The following EIF3G variants were observed in gnomAD, a reference collection of about 807,000 sequenced individuals.
EIF3G encodes eukaryotic translation initiation factor 3 RNA-binding subunit.
EIF3G carries 10 observed loss-of-function variants against 41.7 expected under a neutral mutation model. The ratio of observed to expected loss-of-function variants is 0.24; its 90% CI spans 0.15 to 0.41. The LOEUF (loss-of-function observed/expected upper bound fraction) is 0.41, where lower values mean the gene tolerates loss of function less well. Among genes scored for constraint, EIF3G ranks in the 10% least tolerant of loss-of-function variants. The probability of loss-of-function intolerance (pLI) is 1.00; values close to 1 mark genes in which losing one functional copy is unlikely to be tolerated. For synonymous variants in EIF3G, 204 were observed against 172.5 expected, an observed-to-expected ratio of 1.18 and a Z score of -1.43; for missense variants, 297 against 444.0, an observed-to-expected ratio of 0.67 and a Z score of 2.98.
intron 5 of EIF3G, chr19:10,118,333 A>G (rs145129027): frequency 2.1e-4 from 67 of 321,212 alleles, no homozygotes; most frequent in African/African-American, 1.3e-3. Context: ...TGGGAGGCCT[A>G]GGTGCGCAGA....
chr19:10,117,298 C>CCCAT, intron 5 of EIF3G, 110 bp from the exon 6 acceptor site: 1 of 743,754 alleles, frequency 1.3e-6, no homozygotes, highest in South Asian at 1.8e-5. Flanking sequence ...GGCCTCAAAC[C>CCCAT]CCATCTTCAT....
Position 10,115,147 on chromosome 19 carries a change from G to A in EIF3G, c.948-18C>T. The A allele has an allele frequency of 2.5e-6, 4 of 1,613,696 alleles. No individual in the cohort carries two copies. Among genetic ancestry groups the A allele is most frequent in the Middle Eastern group, 1.7e-4 (1 of 6,060 alleles). The stretch of plus-strand genomic sequence containing the variant: ...TGGACGGCCTGGGGTAGGGGAGGGT[G>A]GCAGGTATAAGACTTCTGGGGGCAC... On this transcript the variant is annotated intron_variant, in intron 10 of 10. Transcript: ENST00000253108.
rs199874137 is a variant in EIF3G at position 10,119,815 on chromosome 19, C to T, written c.20+25G>A. 33 of 1,614,220 alleles carry T rather than the reference C, an allele frequency of 2.0e-5. No individual in the cohort carries two copies. In the Admixed American group the frequency reaches 4.5e-4, roughly 22 times the overall value. On this transcript the variant is annotated intron_variant, in intron 1 of 10. Transcript: ENST00000253108. ...CAGAGCACCCCAACCGCTTCCCGTGCCCCTTTCCGCGATCGCCGACTCACT... is the reference window on the plus strand; with the variant it reads ...CAGAGCACCCCAACCGCTTCCCGTGTCCCTTTCCGCGATCGCCGACTCACT...
chr19:10,115,746 G>A lies in EIF3G; in HGVS notation c.778C>T (p.Arg260Trp), dbSNP rs776280151. 2 of 1,614,192 alleles carry A rather than the reference G, an allele frequency of 1.2e-6. No homozygotes were observed. The highest frequency in any genetic ancestry group is 2.2e-5 in the East Asian group (1 of 44,884). Residue 260 changes from arginine to tryptophan, a missense_variant, in exon 9 of 11, where the codon CGG becomes TGG. Coordinates refer to ENST00000253108, the MANE Select transcript of EIF3G (RefSeq NM_003755.5). ...ATGCGGGAGATGGAGCCGAAAGGCC[G>A]GAAGAGCTCCTGCAGGTCGGTCTCA... Reference protein sequence around the residue: ...TRETDLQELFRPFGSISRIYL... With the variant: ...TRETDLQELFWPFGSISRIYL...
rs2089246791 is a variant in EIF3G, at chr19:10,116,221, A to G, written c.596-147T>C. On this transcript the variant is annotated intron_variant, in intron 7 of 10. Coordinates refer to ENST00000253108, the MANE Select transcript of EIF3G (RefSeq NM_003755.5). This position sits in a 1 kb window ranked among gnomAD's most constrained non-coding sequence, Gnocchi z 4.1. ...CAGCCAGTTGGCCACGAGGACACCA[A>G]GGTGACACCTGAGAAGCTGACACCA... 2 of 720,006 alleles carry G rather than the reference A, an allele frequency of 2.8e-6. No individual in the cohort carries two copies. The highest frequency in any genetic ancestry group is 3.6e-5 in the African/African-American group (2 of 56,162). The allele number at this position is 720,006 out of a possible 1,614,324, so 44.6% of individuals were successfully genotyped here. A position where few individuals can be genotyped will look rare whatever the true frequency, so the allele number is the denominator to read the frequency against.
intron 2 of EIF3G, 107 bp from the exon 3 acceptor site, chr19:10,119,278 C>T (rs2089285977): frequency 7.7e-7 from 1 of 1,295,750 alleles, no homozygotes; most frequent in Non-Finnish European, 1.1e-6. Flanking sequence ...CGGAGAAAGG[C>T]AGGCCAAGGG....
rs1359098788 is a variant in EIF3G at position 10,115,773 on chromosome 19, G to A, written c.751C>T (p.Arg251Cys). The change falls in exon 9 of 11, where the codon CGT becomes TGT. Residue 251 changes from arginine (R) to cysteine (C), a missense_variant. Transcript: ENST00000253108. ...IRVTNLSEDT[R>C]ETDLQELFRP... is the part of the protein sequence containing the mutation. Reference sequence around the variant, plus strand: ...AAGAGCTCCTGCAGGTCGGTCTCACGCGTGTCCTCTGACAAGTTGGTGACA... The same window carrying A: ...AAGAGCTCCTGCAGGTCGGTCTCACACGTGTCCTCTGACAAGTTGGTGACA... 3.7e-6 allele frequency: 6 copies of A among 1,613,924 alleles called. No homozygotes were observed. The highest frequency in any genetic ancestry group is 2.2e-5 in the East Asian group (1 of 44,896).
In EIF3G at chr19:10,115,057, T is replaced by A; in HGVS notation, c.*57A>T. The A allele has an allele frequency of 6.2e-7, 1 of 1,612,120 alleles. No individual in the cohort carries two copies. Among genetic ancestry groups the A allele is most frequent in the Non-Finnish European group, 8.5e-7 (1 of 1,179,184 alleles). On this transcript the variant is annotated 3_prime_UTR_variant, in exon 11 of 11. Coordinates refer to ENST00000253108, the MANE Select transcript of EIF3G (RefSeq NM_003755.5). ...TTTATTGCCCTTGGAGCCCGCGCTC[T>A]CGGAGGCTGTCTTCTGTCGCCAAGG...
At chr19:10,119,330 G>A in intron 2 of EIF3G, 159 bp from the exon 3 acceptor site, 1 of 875,100 alleles carries the variant, frequency 1.1e-6, no homozygotes, top group South Asian at 1.4e-5. Context: ...GCCCTGTGGG[G>A]ACTCGGAGTG....
At chr19:10,115,403 ATTGG>A (rs912819926) in intron 10 of EIF3G, 72 bp downstream of exon 10, 21 of 1,475,056 alleles carry the variant, frequency 1.4e-5, no homozygotes, top group Middle Eastern at 3.6e-4. Context: ...GCTCAGGGCT[ATTGG>A]TTGGCCCAAC....
intron 10 of EIF3G, 129 bp downstream of exon 10, chr19:10,115,350 A>T (rs1463191921): frequency 8.3e-7 from 1 of 1,211,216 alleles, no homozygotes; most frequent in African/African-American, 1.5e-5. Context: ...AAAAAACAAT[A>T]AAGGACTGTC....
In EIF3G at chr19:10,118,901, C is replaced by T; in HGVS notation, c.207G>A (p.Glu69=). ...TCTTGCCATCCTCATCTATCTTGTA[C>T]TCTGTCACTGTCTTTATGTTTCCGT... ...VINGNIKTVT[E]YKIDEDGKKF... The change falls in exon 4 of 11, where the codon GAG becomes GAA. Residue 69 remains glutamate, a synonymous_variant. Coordinates refer to ENST00000253108, the MANE Select transcript of EIF3G (RefSeq NM_003755.5). 1.2e-6 allele frequency: 2 copies of T among 1,613,860 alleles called. No individual in the cohort carries two copies. The highest frequency in any genetic ancestry group is 1.7e-5 in the Admixed American group (1 of 59,990).
intron 9 of EIF3G, 30 bp downstream of exon 9, chr19:10,115,654 C>T: frequency 6.3e-7 from 1 of 1,597,698 alleles, no homozygotes; most frequent in Non-Finnish European, 8.5e-7. Flanking sequence ...GACCCTCACA[C>T]AGCCCCACCG....
At chr19:10,118,978 A>G in intron 3 of EIF3G, 22 bp from the exon 4 acceptor site, 1 of 1,614,018 alleles carries the variant, frequency 6.2e-7, no homozygotes, top group Non-Finnish European at 8.5e-7. Flanking sequence ...GGAAAAACAG[A>G]GAAAGACTGA....
rs117262563 is a variant in EIF3G, at chr19:10,116,553, C to T, written c.595+247G>A. On this transcript the variant is annotated intron_variant, in intron 7 of 10. Coordinates refer to ENST00000253108, the MANE Select transcript of EIF3G (RefSeq NM_003755.5). The surrounding 1 kb of genome is among the most constrained non-coding windows in gnomAD (Gnocchi z 4.1). The stretch of plus-strand genomic sequence containing the variant: ...TGTGGGGTGGTCAGCACCCTGGGGC[C>T]GACAGACAGCAGCTCATCAGGACAG... 4,308 of 524,750 alleles carry T rather than the reference C, an allele frequency of 8.2e-3. 43 individuals are homozygous for T. Among genetic ancestry groups the T allele is most frequent in the Non-Finnish European group, 9.5e-3 (2,793 of 294,944 alleles). 32.5% of individuals were successfully genotyped at this position (524,750 alleles called of 1,614,324 possible).
In EIF3G at chr19:10,119,840, T is replaced by C. The variant is rs778953111; in HGVS notation, c.20A>G (p.Asp7Gly). MPTGDF[D>G]SKPSWADQVE... ...CCCCTTTCCGCGATCGCCGACTCAC[T>C]CAAAGTCTCCAGTAGGCATCGCAAA... Residue 7 changes from aspartate (D) to glycine (G), a missense_variant and splice_region_variant, in exon 1 of 11, where the codon GAT becomes GGT. By Grantham distance (94) the Asp-to-Gly change is moderately conservative. Transcript: ENST00000253108. 2 of 1,614,086 alleles carry C rather than the reference T, an allele frequency of 1.2e-6. No homozygotes were observed. Among genetic ancestry groups the C allele is most frequent in the South Asian group, 1.1e-5 (1 of 91,076 alleles).
chr19:10,117,463 C>G (rs1204081538), intron 5 of EIF3G: 2 of 422,252 alleles, frequency 4.7e-6, no homozygotes, highest in Non-Finnish European at 8.5e-6. Context: ...CAGCTCCCAC[C>G]AGGGCGCAAT....
In EIF3G at chr19:10,116,121, G is replaced by C. The variant is rs370284576; in HGVS notation, c.596-47C>G. 2 of 1,575,972 alleles carry C rather than the reference G, an allele frequency of 1.3e-6. No homozygotes were observed. The highest frequency in any genetic ancestry group is 2.3e-5 in the South Asian group (2 of 88,282). On this transcript the variant is annotated intron_variant, in intron 7 of 10. Transcript: ENST00000253108. This position sits in a 1 kb window ranked among gnomAD's most constrained non-coding sequence, Gnocchi z 4.1. ...AGTTCAACCTCACTGTGGCGCAGGC[G>C]TGGGGACAGAGCCGCCCCAGGAAGC...
In EIF3G at chr19:10,119,849, C is replaced by G. The variant is rs746732180; in HGVS notation, c.11G>C (p.Gly4Ala). 2 of 1,614,206 alleles carry G rather than the reference C, an allele frequency of 1.2e-6. No individual in the cohort carries two copies. The highest frequency in any genetic ancestry group is 2.2e-5 in the East Asian group (1 of 44,880). The change falls in exon 1 of 11, where the codon GGA (glycine) becomes GCA (alanine). Residue 4 changes from glycine (G) to alanine (A), a missense_variant. By Grantham distance (60) the Gly-to-Ala change is moderately conservative (BLOSUM62 0). Around this residue, in one of 4 missense-constraint regions of EIF3G, gnomAD observed 147 missense variants for 162.4 expected, o/e 0.91. Coordinates refer to ENST00000253108, the MANE Select transcript of EIF3G (RefSeq NM_003755.5). Reference protein sequence around the residue: MPTGDFDSKPSWAD... With the variant: MPTADFDSKPSWAD... ...GCGATCGCCGACTCACTCAAAGTCT[C>G]CAGTAGGCATCGCAAAAAGTATTCT...
Sources: allele counts gnomAD v4.1 joint callset, GRCh38; gene constraint gnomAD v4.1.1; regional missense constraint gnomAD v4.1.1; non-coding constraint Gnocchi (gnomAD v3.1); transcripts MANE v1.5; gene names NCBI Gene and HGNC (gene_info 2026-07-23, HGNC 2026-07-21).